Variants in TAFA5 observed in about 807,000 individuals in gnomAD.
TAFA5 encodes the protein chemokine-like protein TAFA-5.
Under a neutral mutation model 15.3 loss-of-function variants are expected in TAFA5, and 6 were observed. The observed-to-expected ratio is 0.39, with a 90% confidence interval of 0.21 to 0.77. TAFA5 has a LOEUF of 0.77. Among genes scored for constraint, TAFA5 ranks in the 30% least tolerant of loss-of-function variants. The probability of loss-of-function intolerance (pLI) is 0.41; values close to 1 mark genes in which losing one functional copy is unlikely to be tolerated. For missense variants in TAFA5, 161 were observed against 193.1 expected (o/e 0.83, Z 0.98); for synonymous variants, 103 against 80.7 (o/e 1.28, Z -1.48).
chr22:48,634,723 A>T (rs1007700172), intron 1 of TAFA5, among the ~76,000 whole-genome samples: 3 of 151,062 alleles, frequency 2.0e-5, no homozygotes, highest in African/African-American at 7.3e-5. Context: ...CCTCTCATTC[A>T]TCTACTCATT....
chr22:48,555,312 C>T (rs563907944), intron 1 of TAFA5, among the ~76,000 whole-genome samples: 111 of 152,334 alleles, frequency 7.3e-4, no homozygotes, highest in African/African-American at 2.5e-3. Context: ...GCATTCTCCT[C>T]CCTCCTCCCT....
At chr22:48,529,911 A>G (rs925441914) in intron 1 of TAFA5, among the ~76,000 whole-genome samples, 2 of 152,126 alleles carry the variant, frequency 1.3e-5, no homozygotes, top group Admixed American at 1.3e-4. Context: ...AAGAGCTTCC[A>G]GGTGGGAGTT....
chr22:48,571,271 C>CTTT (rs869050468), intron 1 of TAFA5, among the ~76,000 whole-genome samples: 1,042 of 97,590 alleles, frequency 0.011, 7 homozygotes, highest in Middle Eastern at 0.014. Context: ...TTGTTGTTTG[C>CTTT]TTTTTTTTTT....
At chr22:48,693,413 A>G in intron 2 of TAFA5, 1 of 1,611,960 alleles carries the variant, frequency 6.2e-7, no homozygotes, top group Non-Finnish European at 8.5e-7. Flanking sequence ...GTCATAGTGC[A>G]GCCCGTGCAG....
rs544449438 is a variant in TAFA5, at chr22:48,575,429, C to T, written c.113-71168C>T. On this transcript the variant is annotated intron_variant, in intron 1 of 3. Transcript: ENST00000402357. Reference sequence around the variant, plus strand: ...GGGCCGGAGTCCGAGGCTGCGCGGGCCCGGCCACCTGGGCCGGCAGCGACT... The same window carrying T: ...GGGCCGGAGTCCGAGGCTGCGCGGGTCCGGCCACCTGGGCCGGCAGCGACT... 1.1e-3 allele frequency among the ~76,000 whole-genome samples: 167 copies of T among 146,680 alleles called. 1 individual carries two copies. Among genetic ancestry groups the T allele is most frequent in the African/African-American group, 3.5e-3 (143 of 40,964 alleles).
intron 3 of TAFA5, among the ~76,000 whole-genome samples, chr22:48,722,867 A>T (rs939653653): frequency 1.3e-5 from 2 of 152,202 alleles, no homozygotes; most frequent in Non-Finnish European, 2.9e-5. Flanking sequence ...AACAGTGAGC[A>T]TATGTAGAAC....
At chr22:48,579,164 G>T (rs1923937582) in intron 1 of TAFA5, among the ~76,000 whole-genome samples, 1 of 152,204 alleles carries the variant, frequency 6.6e-6, no homozygotes, top group African/African-American at 2.4e-5. Flanking sequence ...CAGTGTTTGT[G>T]GAGATGAATA....
At chr22:48,642,311 C>T (rs574775840) in intron 1 of TAFA5, among the ~76,000 whole-genome samples, 2 of 152,170 alleles carry the variant, frequency 1.3e-5, no homozygotes, top group African/African-American at 2.4e-5. Flanking sequence ...TGCAAAGGGG[C>T]GGCCCAGGGG....
Position 48,682,901 on chromosome 22 carries a change from C to G in TAFA5, c.263-24816C>G, listed in dbSNP as rs747953531. 2.6e-5 allele frequency among the ~76,000 whole-genome samples: 4 copies of G among 152,118 alleles called. No individual in the cohort carries two copies. In the East Asian group the frequency reaches 7.7e-4, roughly 29 times the overall value. ...TACAGTGTGGCAGGAAGGCTTGACACGCGTGGAGTCCCCTGGCAGTTTTTG... is the reference window on the plus strand; with the variant it reads ...TACAGTGTGGCAGGAAGGCTTGACAGGCGTGGAGTCCCCTGGCAGTTTTTG... On this transcript the variant is annotated intron_variant, in intron 2 of 3. Transcript: ENST00000402357.
intron 2 of TAFA5, among the ~76,000 whole-genome samples, chr22:48,653,820 G>A (rs548064938): frequency 6.6e-6 from 1 of 152,246 alleles, no homozygotes; most frequent in South Asian, 2.1e-4. Context: ...GCACAGCTCA[G>A]GGTGAAGGAG....
intron 2 of TAFA5, among the ~76,000 whole-genome samples, chr22:48,679,880 A>C (rs942229871): frequency 6.6e-6 from 1 of 152,166 alleles, no homozygotes; most frequent in African/African-American, 2.4e-5. Context: ...AGGGTTCTGC[A>C]CAGGCCAGGC....
intron 1 of TAFA5, among the ~76,000 whole-genome samples, chr22:48,554,649 CAAAT>C (rs1440491865): frequency 2.0e-5 from 3 of 152,102 alleles, no homozygotes; most frequent in South Asian, 2.1e-4. Flanking sequence ...TTGCCAGTAA[CAAAT>C]GAATATTAAA....
At chr22:48,595,494 G>C (rs1212890005) in intron 1 of TAFA5, among the ~76,000 whole-genome samples, 1 of 152,238 alleles carries the variant, frequency 6.6e-6, no homozygotes. Context: ...GCTATGAGGA[G>C]CTCCCTGATC....
rs1035180743 is a variant in TAFA5 at position 48,680,630 on chromosome 22, G to A, written c.263-27087G>A. 4.6e-5 allele frequency among the ~76,000 whole-genome samples: 7 copies of A among 152,212 alleles called. No individual in the cohort carries two copies. In the East Asian group the frequency reaches 5.8e-4, roughly 13 times the overall value. On this transcript the variant is annotated intron_variant, in intron 2 of 3. Transcript: ENST00000402357. Reference sequence around the variant, plus strand: ...CAGCCTCCCAAAATTTGCCCACCACGACTGGGCACTGACAGCCAGTGTGCC... The same window carrying A: ...CAGCCTCCCAAAATTTGCCCACCACAACTGGGCACTGACAGCCAGTGTGCC...
intron 2 of TAFA5, among the ~76,000 whole-genome samples, chr22:48,663,447 C>G (rs982669102): frequency 1.3e-5 from 2 of 152,116 alleles, no homozygotes; most frequent in African/African-American, 2.4e-5. Context: ...GTGCAGCAGC[C>G]GGCACACGGT....
chr22:48,746,535 T>C (rs1387387661), intron 3 of TAFA5, among the ~76,000 whole-genome samples: 2 of 152,210 alleles, frequency 1.3e-5, no homozygotes, highest in Non-Finnish European at 2.9e-5. Context: ...GTGCTGGCTC[T>C]ATTAGATCTC....
intron 1 of TAFA5, among the ~76,000 whole-genome samples, chr22:48,612,272 C>T (rs948807701): frequency 6.6e-6 from 1 of 152,078 alleles, no homozygotes; most frequent in Non-Finnish European, 1.5e-5. Context: ...AGTGCACACC[C>T]CCGCAGCACA....
chr22:48,498,478 A>G (rs989683063), intron 1 of TAFA5, among the ~76,000 whole-genome samples: 5 of 152,068 alleles, frequency 3.3e-5, no homozygotes, highest in African/African-American at 1.2e-4. Context: ...TGGTAGGTAT[A>G]TTTAGTAGGA....
intron 1 of TAFA5, chr22:48,543,761 G>A (rs1352320907): frequency 1.3e-5 from 2 of 152,350 alleles, no homozygotes; most frequent in African/African-American, 2.4e-5. Flanking sequence ...TCTGGGACCT[G>A]TGGCATTCAG....
Sources: allele counts gnomAD v4.1 joint callset (sites outside exome capture counted in the v4.1 genomes callset), GRCh38; gene constraint gnomAD v4.1.1; transcripts MANE v1.5; gene names NCBI Gene and HGNC (gene_info 2026-07-23, HGNC 2026-07-21).